The following CACNA1D variants were observed in gnomAD, a reference collection of about 807,000 sequenced individuals.
CACNA1D encodes the protein voltage-dependent L-type calcium channel subunit alpha-1D.
Under a neutral mutation model 257.1 loss-of-function variants are expected in CACNA1D, and 55 were observed. That is an observed-to-expected ratio of 0.21 (90% CI 0.17 to 0.27). The LOEUF (loss-of-function observed/expected upper bound fraction) is 0.27, where lower values mean the gene tolerates loss of function less well. Among genes scored for constraint, CACNA1D ranks in the 10% least tolerant of loss-of-function variants. The pLI, the probability that CACNA1D is intolerant of heterozygous loss-of-function variation, is 1.00. For missense variants in CACNA1D, 1,876 were observed against 2,784.0 expected, an observed-to-expected ratio of 0.67 and a Z score of 7.34; for synonymous variants, 980 against 1,014.9, an observed-to-expected ratio of 0.97 and a Z score of 0.65.
At chr3:53,695,899 T>C (rs974707575) in intron 8 of CACNA1D, among the ~76,000 whole-genome samples, 14 of 152,090 alleles carry the variant, frequency 9.2e-5, no homozygotes, top group Admixed American at 2.0e-4. Flanking sequence ...GCAATCCAGG[T>C]TCCTTAGTTT....
chr3:53,713,543 T>TGTGTGTGAGTGA (rs377132134), intron 9 of CACNA1D, among the ~76,000 whole-genome samples: 1 of 120,932 alleles, frequency 8.3e-6, no homozygotes, highest in Admixed American at 7.9e-5. Context: ...TGTGTGTGTG[T>TGTGTGTGAGTGA]GAGAGATTTG....
At chr3:53,796,161 T>C (rs2095506676) in intron 40 of CACNA1D, 1 of 307,374 alleles carries the variant, frequency 3.3e-6, no homozygotes, top group Non-Finnish European at 6.7e-6. Flanking sequence ...TCTAAAAAGG[T>C]CCCCTCTCAT....
chr3:53,623,827 A>C (rs2108059236), intron 3 of CACNA1D, among the ~76,000 whole-genome samples: 1 of 152,284 alleles, frequency 6.6e-6, no homozygotes, highest in South Asian at 2.1e-4. Context: ...GTTTCCCTCA[A>C]TGCTGAGTGC....
intron 3 of CACNA1D, among the ~76,000 whole-genome samples, chr3:53,518,576 G>T (rs1275889269): frequency 6.6e-6 from 1 of 152,110 alleles, no homozygotes; most frequent in Non-Finnish European, 1.5e-5. Context: ...TAGTTCTAGG[G>T]CTGCAACCTC....
At chr3:53,791,820 C>T (rs1332218851) in intron 40 of CACNA1D, 3 of 152,226 alleles carry the variant, frequency 2.0e-5, no homozygotes, top group Non-Finnish European at 4.4e-5. Context: ...TCTTTGGAAG[C>T]AGTGTGGTCT....
At chr3:53,733,207 C>A (rs976273858) in intron 19 of CACNA1D, among the ~76,000 whole-genome samples, 1 of 152,216 alleles carries the variant, frequency 6.6e-6, no homozygotes, top group Non-Finnish European at 1.5e-5. Flanking sequence ...GGGAGGAGCT[C>A]CATTCTAGGT....
At chr3:53,709,357 G>A (rs1231201451) in intron 9 of CACNA1D, among the ~76,000 whole-genome samples, 1 of 152,164 alleles carries the variant, frequency 6.6e-6, no homozygotes, top group Non-Finnish European at 1.5e-5. Flanking sequence ...TGTGACTTAC[G>A]TGGCAAAGCT....
chr3:53,585,673 T>C (rs2093202777), intron 3 of CACNA1D, among the ~76,000 whole-genome samples: 1 of 152,122 alleles, frequency 6.6e-6, no homozygotes, highest in Non-Finnish European at 1.5e-5. Flanking sequence ...TCTGAACCTC[T>C]TTGAGTAATG....
At chr3:53,739,657 T>A (rs1045108120) in intron 20 of CACNA1D, among the ~76,000 whole-genome samples, 1 of 152,136 alleles carries the variant, frequency 6.6e-6, no homozygotes, top group Admixed American at 6.5e-5. Context: ...CAGTGTGAGA[T>A]GCAGAACAAC....
chr3:53,797,952 G>GC (rs2095515309), intron 40 of CACNA1D: 1 of 152,180 alleles, frequency 6.6e-6, no homozygotes, highest in Admixed American at 6.5e-5. Context: ...GGAAGCAGCA[G>GC]CAGGTGTCTT....
intron 30 of CACNA1D, among the ~76,000 whole-genome samples, chr3:53,764,405 A>G (rs1303492697): frequency 6.6e-6 from 1 of 152,236 alleles, no homozygotes; most frequent in African/African-American, 2.4e-5. Flanking sequence ...GAGATGGCCT[A>G]TAATGGAAGC....
chr3:53,732,571 C>G (rs532048706), intron 18 of CACNA1D, among the ~76,000 whole-genome samples: 1 of 152,128 alleles, frequency 6.6e-6, no homozygotes, highest in Non-Finnish European at 1.5e-5. Flanking sequence ...TCAGATCTTA[C>G]GCTGGTGGGA....
At chr3:53,759,262 C>T (rs988027696) in intron 29 of CACNA1D, among the ~76,000 whole-genome samples, 3 of 152,178 alleles carry the variant, frequency 2.0e-5, no homozygotes, top group African/African-American at 7.2e-5. Flanking sequence ...TCACAGTGCA[C>T]CAGCATTGAG....
At chr3:53,520,849 C>CTTTTCTTT (rs746194735) in intron 3 of CACNA1D, among the ~76,000 whole-genome samples, 2 of 133,104 alleles carry the variant, frequency 1.5e-5, no homozygotes, top group Admixed American at 7.7e-5. Context: ...TTTGCAAACT[C>CTTTTCTTT]CTTTCTTTCT....
rs115489848 is a variant in CACNA1D at position 53,519,824 on chromosome 3, G to C, written c.483+18104G>C. On this transcript the variant is annotated intron_variant, in intron 3 of 47. Transcript: ENST00000350061. ...TTTTCCATTCTATTCCCCCTCCCTA[G>C]CCCCAGCCCTAGGCAATTGCTAATC... Among the ~76,000 whole-genome samples, 802 of 152,118 alleles carry C rather than the reference G, an allele frequency of 5.3e-3. 7 individuals are homozygous for C. The highest frequency in any genetic ancestry group is 0.018 in the African/African-American group (757 of 41,504).
intron 32 of CACNA1D, among the ~76,000 whole-genome samples, chr3:53,771,328 A>G (rs1212082486): frequency 6.6e-6 from 1 of 152,234 alleles, no homozygotes; most frequent in Non-Finnish European, 1.5e-5. Context: ...TTTTCATTCA[A>G]AAGTTATAAA....
chr3:53,566,041 A>G (rs1432907996), intron 3 of CACNA1D, among the ~76,000 whole-genome samples: 1 of 152,196 alleles, frequency 6.6e-6, no homozygotes, highest in Non-Finnish European at 1.5e-5. Context: ...TCAGTTCTCT[A>G]CATCTTAGCC....
intron 3 of CACNA1D, among the ~76,000 whole-genome samples, chr3:53,538,141 G>GTTGTTTTTT (rs2092170774): frequency 1.1e-5 from 1 of 90,478 alleles, no homozygotes; most frequent in African/African-American, 6.0e-5. Context: ...AGTTTTTGAA[G>GTTGTTTTTT]TTTTTTTTTT....
chr3:53,621,926 C>A (rs2093701100), intron 3 of CACNA1D, among the ~76,000 whole-genome samples: 1 of 152,110 alleles, frequency 6.6e-6, no homozygotes, highest in Non-Finnish European at 1.5e-5. Context: ...TACACACCTA[C>A]CAAAGTGACT....
Sources: gnomAD v4.1 joint callset for allele counts (sites outside exome capture counted in the v4.1 genomes callset) on GRCh38, gnomAD v4.1.1 for gene constraint, MANE v1.5 for transcripts, NCBI Gene and HGNC (gene_info 2026-07-23, HGNC 2026-07-21) for gene names.